Variants in TMC5 observed in about 807,000 individuals in gnomAD.
The protein encoded by TMC5 is transmembrane channel like 5.
A neutral mutation model predicts 110.5 loss-of-function variants in TMC5; 86 were observed. The observed-to-expected ratio is 0.78, with a 90% CI of 0.65 to 0.93. The LOEUF (loss-of-function observed/expected upper bound fraction) is 0.93. Among genes scored for constraint, TMC5 ranks in the 40% least tolerant of loss-of-function variants. The pLI, the probability that TMC5 is intolerant of heterozygous loss-of-function variation, is 0.00. For synonymous variants in TMC5, 455 were observed against 439.5 expected (o/e 1.04, Z -0.44); for missense variants, 1,144 against 1,222.8 (o/e 0.94, Z 0.96).
intron 1 of TMC5, among the ~76,000 whole-genome samples, chr16:19,424,781 T>C (rs1280548709): frequency 6.6e-6 from 1 of 152,222 alleles, no homozygotes; most frequent in Non-Finnish European, 1.5e-5. Context: ...TCTAAGAATG[T>C]GGATGTGTTC....
intron 5 of TMC5, among the ~76,000 whole-genome samples, chr16:19,457,188 G>A (rs112866819): frequency 1.4e-3 from 207 of 152,266 alleles, no homozygotes; most frequent in Admixed American, 2.7e-3. Context: ...CCAGGTGTTC[G>A]AGACTAGCCT....
intron 6 of TMC5, 114 bp downstream of exon 6, chr16:19,460,448 T>C: frequency 1.5e-6 from 1 of 681,494 alleles, no homozygotes; most frequent in Non-Finnish European, 2.4e-6. Context: ...GAGACAAATA[T>C]TCCTGACAGA....
intron 2 of TMC5, among the ~76,000 whole-genome samples, chr16:19,431,175 A>G (rs1289033079): frequency 6.6e-6 from 1 of 152,172 alleles, no homozygotes; most frequent in African/African-American, 2.4e-5. Flanking sequence ...TCACTAGCAT[A>G]TAGAACATTG....
Position 19,440,607 on chromosome 16 carries a change from A to G in TMC5, c.569A>G (p.His190Arg), listed in dbSNP as rs370224630. ...CCAGGATCCAGAAAGAATCTGGAAC[A>G]TACAAGTTTTAGAATCAATCCATAC... The part of the protein sequence containing the change: ...NHPGSRKNLE[H>R]TSFRINPYAD... The change falls in exon 3 of 22, where the codon CAT (histidine) becomes CGT (arginine). Residue 190 changes from histidine to arginine, a missense_variant. His to Arg is a conservative substitution (Grantham distance 29). Transcript: ENST00000542583. 5.6e-6 allele frequency: 9 copies of G among 1,614,118 alleles called. No individual in the cohort carries two copies. The highest frequency in any genetic ancestry group is 5.5e-5 in the South Asian group (5 of 91,088).
chr16:19,440,396 C>T lies in TMC5; in HGVS notation c.358C>T (p.Arg120Ter), dbSNP rs968463227. 16 of 1,613,982 alleles carry T rather than the reference C, an allele frequency of 9.9e-6. No individual in the cohort carries two copies. Among genetic ancestry groups the T allele is most frequent in the Middle Eastern group, 1.6e-4 (1 of 6,084 alleles). Residue 120 changes from arginine to a stop codon, truncating the protein, a stop_gained, in exon 3 of 22, where the codon CGA becomes TGA. Coordinates refer to ENST00000542583, the MANE Select transcript of TMC5 (RefSeq NM_001261841.2). LOFTEE classifies it high-confidence loss of function. ...YSEFQSHPYH[R>*]ASSRQPDYPG... is the part of the protein sequence containing the mutation. ...TGAATTTCAGAGTCATCCCTACCACCGAGCATCATCCAGACAACCAGACTA... is the reference window on the plus strand; with the variant it reads ...TGAATTTCAGAGTCATCCCTACCACTGAGCATCATCCAGACAACCAGACTA...
Position 19,466,150 on chromosome 16 carries a change from CG to C in TMC5, c.1558del (p.Ala520HisfsTer17), listed in dbSNP as rs1968184210. The C allele has an allele frequency of 6.2e-7, 1 of 1,614,100 alleles. No homozygotes were observed. The highest frequency in any genetic ancestry group is 2.2e-5 in the East Asian group (1 of 44,882). ...TNSTIQHGNS[G>X]ASYNMQLAYI... ...ATTCCACCATCCAGCACGGGAACAGCGGGGCATCCTACAACATGCAGCTGGC... is the reference window on the plus strand; with the variant it reads ...ATTCCACCATCCAGCACGGGAACAGCGGGCATCCTACAACATGCAGCTGGC... On this transcript the variant is annotated frameshift_variant, in exon 9 of 22. Transcript: ENST00000542583. LOFTEE classifies it high-confidence loss of function.
chr16:19,475,958 C>T (rs1267651074), intron 12 of TMC5, among the ~76,000 whole-genome samples: 1 of 152,034 alleles, frequency 6.6e-6, no homozygotes, highest in Non-Finnish European at 1.5e-5. Flanking sequence ...GAAATCTTTG[C>T]CTTGTTCACA....
At position 19,449,598 on chromosome 16, in the gene TMC5, T is replaced by C. The variant is rs768064053; in HGVS notation, c.1015T>C (p.Leu339=). The C allele has an allele frequency of 3.7e-6, 6 of 1,614,092 alleles. No homozygotes were observed. The highest frequency in any genetic ancestry group is 1.3e-5 in the African/African-American group (1 of 74,930). Residue 339 remains leucine (L), a synonymous_variant, in exon 5 of 22, where the codon TTG becomes CTG. Coordinates refer to ENST00000542583, the MANE Select transcript of TMC5 (RefSeq NM_001261841.2). ...TGTCCATGCTTATGGAAACCCACCA[T>C]TGTCTGAATGTGATTGGCACAAGTC... The part of the protein sequence containing the change: ...GPVHAYGNPP[L]SECDWHKSPQ...
intron 4 of TMC5, 91 bp from the exon 5 acceptor site, chr16:19,449,451 G>A (rs1380733003): frequency 2.1e-5 from 23 of 1,084,642 alleles, no homozygotes; most frequent in South Asian, 3.9e-5. Context: ...TAGCCGTTAC[G>A]AACCACTATT....
At chr16:19,478,274 G>GTC (rs1354539133) in intron 13 of TMC5, among the ~76,000 whole-genome samples, 1 of 152,168 alleles carries the variant, frequency 6.6e-6, no homozygotes, top group African/African-American at 2.4e-5. Flanking sequence ...GGAATCAGGA[G>GTC]TCTCTCTCTA....
chr16:19,486,352 T>C (rs1481482085), intron 15 of TMC5, among the ~76,000 whole-genome samples: 2 of 152,084 alleles, frequency 1.3e-5, no homozygotes, highest in Non-Finnish European at 2.9e-5. Flanking sequence ...TGGTCTTCAT[T>C]TCTGTGTGTG....
intron 19 of TMC5, among the ~76,000 whole-genome samples, chr16:19,492,705 G>A (rs932080110): frequency 6.6e-6 from 1 of 151,408 alleles, no homozygotes; most frequent in Non-Finnish European, 1.5e-5. Flanking sequence ...CTCCCAAAGT[G>A]CTGGGATTAC....
intron 8 of TMC5, among the ~76,000 whole-genome samples, chr16:19,464,509 C>T (rs569250541): frequency 6.6e-6 from 1 of 152,326 alleles, no homozygotes; most frequent in Non-Finnish European, 1.5e-5. Context: ...CAGAGGCAAC[C>T]ATCTTGAACA....
At chr16:19,464,699 T>C (rs997611981) in intron 8 of TMC5, among the ~76,000 whole-genome samples, 3 of 152,228 alleles carry the variant, frequency 2.0e-5, no homozygotes, top group South Asian at 2.1e-4. Context: ...TATAGATCTA[T>C]GTTTTCTTTC....
intron 3 of TMC5, among the ~76,000 whole-genome samples, chr16:19,442,920 C>T (rs569833344): frequency 6.6e-5 from 10 of 152,164 alleles, no homozygotes; most frequent in Admixed American, 6.5e-4. Flanking sequence ...CAAAGCCCAC[C>T]TTTGATCCTA....
intron 1 of TMC5, among the ~76,000 whole-genome samples, chr16:19,426,163 T>A (rs1040520998): frequency 1.4e-4 from 22 of 152,234 alleles, no homozygotes; most frequent in Non-Finnish European, 1.9e-4. Context: ...AATACTTGTT[T>A]AACTAAGCAT....
chr16:19,492,084 C>T lies in TMC5; in HGVS notation c.2748-66C>T, dbSNP rs554173563. 5.2e-4 allele frequency: 661 copies of T among 1,266,718 alleles called. 7 individuals carry two copies. In the South Asian group the frequency reaches 5.7e-3, roughly 11 times the overall value. The allele number at this position is 1,266,718 out of a possible 1,614,324, so 78.5% of individuals were successfully genotyped here. On this transcript the variant is annotated intron_variant, in intron 18 of 21. Coordinates refer to ENST00000542583, the MANE Select transcript of TMC5 (RefSeq NM_001261841.2). ...AGCACAGATTCCAGTTCCTTTGCAT[C>T]CAGTGGAAATTCAGAGCCTGCAAAA...
chr16:19,411,181 GT>G (rs151027661), intron 1 of TMC5: 2,169 of 152,384 alleles, frequency 0.014, 68 homozygotes, highest in African/African-American at 0.05. Flanking sequence ...GATCCGGTAA[GT>G]TTTTTATCTG....
intron 4 of TMC5, among the ~76,000 whole-genome samples, chr16:19,447,106 CAG>C (rs967733597): frequency 3.9e-5 from 6 of 152,112 alleles, no homozygotes; most frequent in Non-Finnish European, 8.8e-5. Context: ...TCCAAAAATC[CAG>C]AGTCGTACAA....
Sources: gnomAD v4.1 joint callset for allele counts (sites outside exome capture counted in the v4.1 genomes callset) on GRCh38, gnomAD v4.1.1 for gene constraint, MANE v1.5 for transcripts, NCBI Gene and HGNC (gene_info 2026-07-23, HGNC 2026-07-21) for gene names.